PTPRT: variants seen among roughly 807,000 people sequenced by gnomAD.
The protein encoded by PTPRT is protein tyrosine phosphatase receptor type T, also known as receptor-type tyrosine-protein phosphatase T.
A neutral mutation model predicts 176.8 loss-of-function variants in PTPRT; 56 were observed. The ratio of observed to expected loss-of-function variants is 0.32; its 90% CI spans 0.26 to 0.40. PTPRT has a LOEUF of 0.40. Ranked by LOEUF, PTPRT falls within the 10% of genes least tolerant of loss-of-function variation. PTPRT has a pLI of 1.00. For synonymous variants in PTPRT, 783 were observed against 739.0 expected, an observed-to-expected ratio of 1.06 and a Z score of -0.96; for missense variants, 1,540 against 1,908.2, an observed-to-expected ratio of 0.81 and a Z score of 3.60.
chr20:42,116,870 C>T (rs560292407), intron 21 of PTPRT, among the ~76,000 whole-genome samples: 1 of 152,178 alleles, frequency 6.6e-6, no homozygotes. Flanking sequence ...GTCTATCCAT[C>T]AAGGGAATCT....
chr20:43,182,468 G>C (rs1297799054), intron 1 of PTPRT, among the ~76,000 whole-genome samples: 2 of 151,180 alleles, frequency 1.3e-5, no homozygotes, highest in Non-Finnish European at 2.9e-5. Flanking sequence ...TCAGTTCCCT[G>C]CAACCTCCAC....
intron 12 of PTPRT, among the ~76,000 whole-genome samples, chr20:42,312,802 CTTTTT>C (rs11482597): frequency 4.5e-5 from 5 of 112,350 alleles, no homozygotes; most frequent in Non-Finnish European, 3.6e-5. Flanking sequence ...GAGTGAGATC[CTTTTT>C]TTTTTTTTTT....
At chr20:42,981,766 C>G (rs1037324663) in intron 1 of PTPRT, among the ~76,000 whole-genome samples, 2 of 152,204 alleles carry the variant, frequency 1.3e-5, no homozygotes, top group African/African-American at 2.4e-5. Context: ...TTGTATAAGC[C>G]ACTAAGTTGT....
At chr20:42,051,818 A>C in the PTPRT span, among the ~76,000 whole-genome samples, 1 of 152,230 alleles carries the variant, frequency 6.6e-6, no homozygotes, top group East Asian at 1.9e-4. Flanking sequence ...AACGTCGCAG[A>C]CAGCTGTTCT....
chr20:42,209,990 A>C (rs1303752435), intron 15 of PTPRT, among the ~76,000 whole-genome samples: 5 of 152,224 alleles, frequency 3.3e-5, no homozygotes, highest in Non-Finnish European at 7.3e-5. Flanking sequence ...AGGCTGGTTC[A>C]ATATACGCAA....
chr20:42,669,952 A>T (rs1245506122), intron 7 of PTPRT, among the ~76,000 whole-genome samples: 1 of 152,132 alleles, frequency 6.6e-6, no homozygotes, highest in African/African-American at 2.4e-5. Context: ...GACAATTATA[A>T]AAAGGACAAT....
intron 1 of PTPRT, among the ~76,000 whole-genome samples, chr20:42,976,779 C>T (rs1416019968): frequency 6.6e-6 from 1 of 152,168 alleles, no homozygotes; most frequent in South Asian, 2.1e-4. Flanking sequence ...TGCTTAAAGG[C>T]TCTTGATATT....
At chr20:42,409,332 A>C (rs1398596788) in intron 9 of PTPRT, among the ~76,000 whole-genome samples, 1 of 151,874 alleles carries the variant, frequency 6.6e-6, no homozygotes, top group Non-Finnish European at 1.5e-5. Context: ...AATACAAAAA[A>C]TTAGCCGGGC....
chr20:42,306,898 A>G (rs981825358), intron 12 of PTPRT, among the ~76,000 whole-genome samples: 1 of 152,176 alleles, frequency 6.6e-6, no homozygotes, highest in Non-Finnish European at 1.5e-5. Flanking sequence ...TCGTCCATCT[A>G]CTGAAAAAAT....
intron 2 of PTPRT, among the ~76,000 whole-genome samples, chr20:42,836,313 C>T (rs1046019206): frequency 7.9e-5 from 12 of 152,150 alleles, no homozygotes; most frequent in African/African-American, 2.9e-4. Flanking sequence ...GCCCACCTCC[C>T]AAGAGACAAG....
At chr20:42,450,620 A>G (rs2070811369) in intron 8 of PTPRT, among the ~76,000 whole-genome samples, 1 of 146,252 alleles carries the variant, frequency 6.8e-6, no homozygotes, top group East Asian at 2.1e-4. Context: ...TTGCAAATAT[A>G]TTTTCGCCAG....
rs146429295 is a variant in PTPRT at position 42,865,969 on chromosome 20, G to A, written c.214+19838C>T. Among the ~76,000 whole-genome samples the A allele has an allele frequency of 4.5e-3, 692 of 152,190 alleles. 6 individuals carry two copies. The highest frequency in any genetic ancestry group is 0.016 in the African/African-American group (659 of 41,512). On this transcript the variant is annotated intron_variant, in intron 2 of 30. Coordinates refer to ENST00000373187, the MANE Select transcript of PTPRT (RefSeq NM_007050.6). The stretch of plus-strand genomic sequence containing the variant: ...CCCTCTGCTCTTCCCTTTCTCCTGT[G>A]AAATCTTGACCCTGGCCTTGACCCC...
At chr20:42,204,447 G>A (rs936026092) in intron 15 of PTPRT, among the ~76,000 whole-genome samples, 1 of 152,106 alleles carries the variant, frequency 6.6e-6, no homozygotes, top group African/African-American at 2.4e-5. Flanking sequence ...TGCCAACTGG[G>A]TCACACAATT....
intron 1 of PTPRT, among the ~76,000 whole-genome samples, chr20:42,934,915 A>T (rs1980078342): frequency 6.6e-6 from 1 of 151,956 alleles, no homozygotes; most frequent in Non-Finnish European, 1.5e-5. Context: ...TTAAAAATAT[A>T]AAAAAAGAAA....
chr20:42,964,080 G>A (rs1390646494), intron 1 of PTPRT, among the ~76,000 whole-genome samples: 1 of 152,068 alleles, frequency 6.6e-6, no homozygotes, highest in Non-Finnish European at 1.5e-5. Context: ...ACTGCCTGTA[G>A]GGAGTTAGGG....
chr20:42,392,293 C>T (rs1258289932), intron 9 of PTPRT, among the ~76,000 whole-genome samples: 1 of 152,012 alleles, frequency 6.6e-6, no homozygotes, highest in Non-Finnish European at 1.5e-5. Context: ...AACTAAGAAC[C>T]TGAAAGGTAA....
At position 42,078,646 on chromosome 20, in the gene PTPRT, C is replaced by T. The variant is rs148288422; in HGVS notation, c.*2233G>A. The T allele has an allele frequency of 8.0e-4, 144 of 179,898 alleles. 1 individual carries two copies. In the East Asian group the frequency reaches 0.013, roughly 16 times the overall value. 11.1% of individuals were successfully genotyped at this position (179,898 alleles called of 1,614,324 possible). A position where few individuals can be genotyped will look rare whatever the true frequency, so the allele number is the denominator to read the frequency against. ...GCCAATAGGACAAAGTCTGTACTCG[C>T]GATGGGCATCTGTCTCCTGGACCCT... On this transcript the variant is annotated 3_prime_UTR_variant, in exon 31 of 31. Transcript: ENST00000373187.
chr20:43,007,292 A>AT (rs980119363), intron 1 of PTPRT, among the ~76,000 whole-genome samples: 1 of 152,136 alleles, frequency 6.6e-6, no homozygotes, highest in African/African-American at 2.4e-5. Context: ...TTTGGTTCTG[A>AT]TTTTTGATGT....
rs945653531 is a variant in PTPRT at position 43,069,375 on chromosome 20, A to T, written c.88+120271T>A. On this transcript the variant is annotated intron_variant, in intron 1 of 30. Coordinates refer to ENST00000373187, the MANE Select transcript of PTPRT (RefSeq NM_007050.6). ...TATAACCATCTCCATCTGCAATAACAAATCTTCTACAATGTTACATTAACA... is the reference window on the plus strand; with the variant it reads ...TATAACCATCTCCATCTGCAATAACTAATCTTCTACAATGTTACATTAACA... Among the ~76,000 whole-genome samples, 43 of 152,240 alleles carry T rather than the reference A, an allele frequency of 2.8e-4. 1 individual carries two copies. Among genetic ancestry groups the T allele is most frequent in the African/African-American group, 9.9e-4 (41 of 41,462 alleles).
Sources: gnomAD v4.1 joint callset for allele counts (sites outside exome capture counted in the v4.1 genomes callset) on GRCh38, gnomAD v4.1.1 for gene constraint, MANE v1.5 for transcripts, NCBI Gene and HGNC (gene_info 2026-07-23, HGNC 2026-07-21) for gene names.